The following DCST1 variants were observed in gnomAD, a reference collection of about 807,000 sequenced individuals.
The protein encoded by DCST1 is DC-STAMP domain containing 1, also known as E3 ubiquitin-protein ligase DCST1.
Under a neutral mutation model 89.1 loss-of-function variants are expected in DCST1, and 78 were observed. The ratio of observed to expected loss-of-function variants is 0.88; its 90% CI spans 0.73 to 1.06. The LOEUF (loss-of-function observed/expected upper bound fraction) is 1.06. Ranked by LOEUF, DCST1 falls within the 50% of genes least tolerant of loss-of-function variation. The pLI, the probability that DCST1 is intolerant of heterozygous loss-of-function variation, is 0.00. For missense variants in DCST1, 900 were observed against 928.6 expected (o/e 0.97, Z 0.40); for synonymous variants, 364 against 371.9 (o/e 0.98, Z 0.24).
intron 4 of DCST1, among the ~76,000 whole-genome samples, chr1:155,038,541 G>C (rs1358620521): frequency 6.6e-6 from 1 of 152,152 alleles, no homozygotes; most frequent in African/African-American, 2.4e-5. Context: ...TAAGGATTTG[G>C]GATTTGCTTT....
In DCST1 at chr1:155,047,297, G is replaced by A; in HGVS notation, c.1597G>A (p.Glu533Lys). ...GAACACCTCCTCAGAGACAGTGATG[G>A]AATCAAACAACATGCGTGAGTGATG... ...ALNTSSETVM[E>K]SNNMPCLPQP... is the part of the protein sequence containing the mutation. Residue 533 changes from glutamate to lysine, a missense_variant, in exon 14 of 17, where the codon GAA becomes AAA. Physicochemically the swap from Glu to Lys is moderately conservative, Grantham distance 56 (BLOSUM62 1). Transcript: ENST00000295542. 6.2e-7 allele frequency: 1 copy of A among 1,613,442 alleles called. No homozygotes were observed. Among genetic ancestry groups the A allele is most frequent in the Non-Finnish European group, 8.5e-7 (1 of 1,179,400 alleles).
chr1:155,041,438 C>G lies in DCST1; in HGVS notation c.573C>G (p.Ser191=), dbSNP rs368759688. 6.2e-7 allele frequency: 1 copy of G among 1,613,988 alleles called. No individual in the cohort carries two copies. Among genetic ancestry groups the G allele is most frequent in the Admixed American group, 1.7e-5 (1 of 60,030 alleles). ...ELLRAETRNI[S]ATFEDLDAQV... ...TGAGAGCAGAGACTCGGAACATCTC[C>G]GCCACTTTTGAGGACCTGGATGCCC... The change falls in exon 7 of 17, where the codon TCC becomes TCG. Residue 191 remains serine (S), a synonymous_variant. Coordinates refer to ENST00000295542, the MANE Select transcript of DCST1 (RefSeq NM_152494.4).
In DCST1 at chr1:155,034,021, T is replaced by C; in HGVS notation, c.-16T>C. ...CAGGAGACCTGGGATGAGTGGTGCT[T>C]CCCCAAAACAGACTCATGGACATTA... On this transcript the variant is annotated 5_prime_UTR_variant, in exon 2 of 17. Transcript: ENST00000295542. 1 of 1,613,908 alleles carries C rather than the reference T, an allele frequency of 6.2e-7. No homozygotes were observed. The highest frequency in any genetic ancestry group is 8.5e-7 in the Non-Finnish European group (1 of 1,179,966).
At chr1:155,049,703 G>C (rs555902618) in intron 16 of DCST1, among the ~76,000 whole-genome samples, 1 of 152,270 alleles carries the variant, frequency 6.6e-6, no homozygotes, top group African/African-American at 2.4e-5. Context: ...GACTGTGTTT[G>C]CTTAGCTTTT....
chr1:155,034,568 T>C lies in DCST1; in HGVS notation c.187+8T>C, dbSNP rs1475410607. ...GGGGGCTCCTGGCCATAGGTGAGTGTGGAAGCAGAAAGTTCGGGGTGGGCA... is the reference window on the plus strand; with the variant it reads ...GGGGGCTCCTGGCCATAGGTGAGTGCGGAAGCAGAAAGTTCGGGGTGGGCA... On this transcript the variant is annotated splice_region_variant and intron_variant, in intron 3 of 16. Coordinates refer to ENST00000295542, the MANE Select transcript of DCST1 (RefSeq NM_152494.4). 4 of 1,613,902 alleles carry C rather than the reference T, an allele frequency of 2.5e-6. No homozygotes were observed. The highest frequency in any genetic ancestry group is 3.4e-6 in the Non-Finnish European group (4 of 1,180,018).
rs753135861 is a variant in DCST1, at chr1:155,050,853, T to C, written c.2106T>C (p.Thr702=). Residue 702 remains threonine, a synonymous_variant, in exon 17 of 17, where the codon ACT becomes ACC. Transcript: ENST00000295542. ...CCTTTAGTGACAGCAACGACGACAC[T>C]GCCTACGCGGGGTGAAGAGGCGTCC... ...SSAFSDSNDD[T]AYAG is the part of the protein sequence containing the mutation. 5.0e-6 allele frequency: 8 copies of C among 1,610,532 alleles called. No homozygotes were observed. Among genetic ancestry groups the C allele is most frequent in the Non-Finnish European group, 6.8e-6 (8 of 1,177,688 alleles).
Position 155,043,451 on chromosome 1 carries a change from T to C in DCST1, c.1114T>C (p.Trp372Arg), listed in dbSNP as rs370616763. ...YVYRQEARLE[W>R]ALGLLHVLLS... Reference sequence around the variant, plus strand: ...GTACCGCCAGGAGGCCCGGCTGGAGTGGGCCCTGGGGCTGCTGCACGTGCT... The same window carrying C: ...GTACCGCCAGGAGGCCCGGCTGGAGCGGGCCCTGGGGCTGCTGCACGTGCT... Residue 372 changes from tryptophan (W) to arginine (R), a missense_variant, in exon 10 of 17, where the codon TGG becomes CGG. Physicochemically the swap from Trp to Arg is moderately radical, Grantham distance 101. Transcript: ENST00000295542. The C allele has an allele frequency of 1.3e-4, 203 of 1,612,428 alleles. No individual in the cohort carries two copies. Among genetic ancestry groups the C allele is most frequent in the South Asian group, 5.3e-4 (48 of 90,936 alleles).
Position 155,041,814 on chromosome 1 carries a change from C to A in DCST1, c.849C>A (p.Leu283=), listed in dbSNP as rs1376931109. The change falls in exon 8 of 17, where the codon CTC becomes CTA. Residue 283 remains leucine (L), a synonymous_variant. Transcript: ENST00000295542. ...GGGTCCCACTCCTCACCCACCTGCT[C>A]TGCCTGCCTATGAAGTTCAAGTTCT... ...HIWVPLLTHL[L]CLPMKFKFFC... 6.2e-7 allele frequency: 1 copy of A among 1,614,136 alleles called. No individual in the cohort carries two copies.
In DCST1 at chr1:155,047,832, G is replaced by A. The variant is rs1407401685; in HGVS notation, c.1658G>A (p.Arg553Lys). Reference protein sequence around the residue: ...PVGLDARAYWRAAVPIGLLVC... With the variant: ...PVGLDARAYWKAAVPIGLLVC... ...GGCCTGGATGCCAGGGCCTACTGGAGAGCTGCAGTACCGATTGGCCTGTTA... is the reference window on the plus strand; with the variant it reads ...GGCCTGGATGCCAGGGCCTACTGGAAAGCTGCAGTACCGATTGGCCTGTTA... The change falls in exon 15 of 17, where the codon AGA becomes AAA. Residue 553 changes from arginine to lysine, a missense_variant. Arg to Lys is a conservative substitution (Grantham distance 26). Coordinates refer to ENST00000295542, the MANE Select transcript of DCST1 (RefSeq NM_152494.4). 1 of 1,614,212 alleles carries A rather than the reference G, an allele frequency of 6.2e-7. No homozygotes were observed. The highest frequency in any genetic ancestry group is 1.3e-5 in the African/African-American group (1 of 75,054).
chr1:155,035,660 T>C (rs1324972682), intron 4 of DCST1, among the ~76,000 whole-genome samples: 1 of 152,104 alleles, frequency 6.6e-6, no homozygotes, highest in Non-Finnish European at 1.5e-5. Context: ...CCAGGCACAA[T>C]GGCTCACGCC....
chr1:155,041,239 G>A (rs756583709), intron 6 of DCST1, among the ~76,000 whole-genome samples, 158 bp from the exon 7 acceptor site: 4 of 152,148 alleles, frequency 2.6e-5, no homozygotes, highest in East Asian at 1.9e-4. Context: ...ATGGACAGCC[G>A]GGAATTTGAG....
At position 155,046,170 on chromosome 1, in the gene DCST1, GT is replaced by G; in HGVS notation, c.1319del (p.Val440AlafsTer14). On this transcript the variant is annotated frameshift_variant, in exon 12 of 17. Coordinates refer to ENST00000295542, the MANE Select transcript of DCST1 (RefSeq NM_152494.4). LOFTEE classifies it high-confidence loss of function. ...LPLRKAEEKT[V>X]IFPCKPTIQA... ...ACTCCGCAAAGCTGAGGAGAAAACC[GT>G]CATCTTCCCTTGCAAGCCCACCATC... The G allele has an allele frequency of 1.2e-6, 2 of 1,614,208 alleles. No homozygotes were observed. Among genetic ancestry groups the G allele is most frequent in the Non-Finnish European group, 1.7e-6 (2 of 1,180,048 alleles).
intron 10 of DCST1, among the ~76,000 whole-genome samples, chr1:155,043,962 C>T (rs1660520315): frequency 1.3e-5 from 2 of 152,230 alleles, no homozygotes; most frequent in Admixed American, 6.5e-5. Flanking sequence ...TGGGCTGCCC[C>T]GGGCCTTGCT....
intron 10 of DCST1, among the ~76,000 whole-genome samples, chr1:155,044,795 C>A (rs1014057976): frequency 2.0e-5 from 3 of 151,590 alleles, no homozygotes; most frequent in Non-Finnish European, 4.4e-5. Context: ...CTGGAACTGG[C>A]GGTGGTGGCA....
intron 10 of DCST1, 101 bp from the exon 11 acceptor site, chr1:155,045,792 G>A: frequency 5.2e-6 from 5 of 953,202 alleles, no homozygotes; most frequent in Non-Finnish European, 6.8e-6. Flanking sequence ...AATGAATGCT[G>A]GCTGGTTGGT....
chr1:155,049,879 G>C (rs1450870011), intron 16 of DCST1, among the ~76,000 whole-genome samples: 1 of 152,266 alleles, frequency 6.6e-6, no homozygotes, highest in Non-Finnish European at 1.5e-5. Flanking sequence ...GTGCCAGACA[G>C]TCATTCCAAG....
intron 13 of DCST1, 81 bp from the exon 14 acceptor site, chr1:155,047,115 C>A (rs567947223): frequency 2.4e-4 from 269 of 1,114,260 alleles, no homozygotes; most frequent in Non-Finnish European, 3.4e-4. Context: ...GTGTCTTGAC[C>A]CCTCCCTGAC....
chr1:155,046,952 G>A (rs1281161758), intron 13 of DCST1, among the ~76,000 whole-genome samples: 2 of 151,988 alleles, frequency 1.3e-5, no homozygotes, highest in African/African-American at 2.4e-5. Context: ...GCCCCTCCCT[G>A]TCCTCCTCAA....
At chr1:155,048,796 C>T (rs562056772) in intron 16 of DCST1, among the ~76,000 whole-genome samples, 1 of 152,054 alleles carries the variant, frequency 6.6e-6, no homozygotes, top group Non-Finnish European at 1.5e-5. Flanking sequence ...CGCACAGAAA[C>T]AGGAGGCCCA....
Sources: gnomAD v4.1 joint callset for allele counts (sites outside exome capture counted in the v4.1 genomes callset) on GRCh38, gnomAD v4.1.1 for gene constraint, MANE v1.5 for transcripts, NCBI Gene and HGNC (gene_info 2026-07-23, HGNC 2026-07-21) for gene names.